The following ARB2A variants were observed in gnomAD, a reference collection of about 807,000 sequenced individuals.
ARB2A encodes the protein cotranscriptional regulator ARB2A.
chr5:94,069,039 A>AAGATAGATAGAT, the ARB2A span, among the ~76,000 whole-genome samples: 16,709 of 140,192 alleles, frequency 0.12, 1,088 homozygotes, highest in East Asian at 0.14. Context: ...CTGTCTTAAA[A>AAGATAGATAGAT]AGATAGATAG....
chr5:93,869,921 G>A, the ARB2A span, among the ~76,000 whole-genome samples: 1 of 152,200 alleles, frequency 6.6e-6, no homozygotes, highest in Non-Finnish European at 1.5e-5. Flanking sequence ...CAGCCCGCCT[G>A]CGCCCAGGTG....
the ARB2A span, among the ~76,000 whole-genome samples, chr5:93,722,714 C>T: frequency 2.0e-5 from 3 of 152,094 alleles, no homozygotes; most frequent in African/African-American, 7.2e-5. Flanking sequence ...GGGTTAACTA[C>T]ACCTCATGGA....
chr5:93,893,097 T>C, the ARB2A span, among the ~76,000 whole-genome samples: 3 of 152,158 alleles, frequency 2.0e-5, no homozygotes, highest in Non-Finnish European at 2.9e-5. Context: ...CCACCTTCTG[T>C]CTGATTAAAA....
the ARB2A span, among the ~76,000 whole-genome samples, chr5:93,729,258 C>A: frequency 6.6e-6 from 1 of 152,124 alleles, no homozygotes; most frequent in Non-Finnish European, 1.5e-5. Context: ...CTAACACTGG[C>A]CGCTTGGTGA....
At chr5:94,036,983 T>C in the ARB2A span, among the ~76,000 whole-genome samples, 3 of 152,166 alleles carry the variant, frequency 2.0e-5, no homozygotes, top group Non-Finnish European at 2.9e-5. Flanking sequence ...GAAGAGCCAA[T>C]TTTTATATTC....
At chr5:94,084,031 G>C in the ARB2A span, among the ~76,000 whole-genome samples, 1 of 151,932 alleles carries the variant, frequency 6.6e-6, no homozygotes, top group Non-Finnish European at 1.5e-5. Context: ...CCAGCACTTT[G>C]GGAAGCCAAG....
the ARB2A span, among the ~76,000 whole-genome samples, chr5:93,745,874 T>G: frequency 1.3e-5 from 2 of 151,922 alleles, no homozygotes; most frequent in African/African-American, 4.8e-5. Flanking sequence ...GATGGACAGA[T>G]GTAGGACCTC....
chr5:93,937,634 T>A, the ARB2A span, among the ~76,000 whole-genome samples: 1 of 151,744 alleles, frequency 6.6e-6, no homozygotes, highest in African/African-American at 2.4e-5. Flanking sequence ...GAGTGTGTCA[T>A]CCCTCAATAT....
chr5:93,976,150 T>C, the ARB2A span, among the ~76,000 whole-genome samples: 28 of 152,170 alleles, frequency 1.8e-4, no homozygotes, highest in African/African-American at 6.8e-4. Context: ...GATTTTTTGT[T>C]ATTTATTGTT....
At chr5:93,829,645 C>G in the ARB2A span, among the ~76,000 whole-genome samples, 1 of 152,076 alleles carries the variant, frequency 6.6e-6, no homozygotes, top group African/African-American at 2.4e-5. Flanking sequence ...GGCTGATTAC[C>G]TACAACCTTG....
At chr5:93,917,597 G>A in the ARB2A span, among the ~76,000 whole-genome samples, 2 of 152,104 alleles carry the variant, frequency 1.3e-5, no homozygotes, top group Non-Finnish European at 2.9e-5. Context: ...AAAACAGTGG[G>A]CCAGGTGCAG....
the ARB2A span, among the ~76,000 whole-genome samples, chr5:93,794,142 CA>C: frequency 7.2e-5 from 11 of 151,954 alleles, no homozygotes; most frequent in Admixed American, 7.2e-4. Flanking sequence ...CTGTCTTTGA[CA>C]CACTGAGTTA....
the ARB2A span, among the ~76,000 whole-genome samples, chr5:93,826,727 T>A: frequency 2.7e-5 from 4 of 147,286 alleles, no homozygotes. Context: ...GTATATCTCC[T>A]AATGCTATCC....
the ARB2A span, among the ~76,000 whole-genome samples, chr5:93,838,985 A>C: frequency 6.6e-6 from 1 of 152,170 alleles, no homozygotes; most frequent in South Asian, 2.1e-4. Flanking sequence ...TCATCTGCAC[A>C]CAGGGATAGT....
chr5:93,682,594 T>C, the ARB2A span, among the ~76,000 whole-genome samples: 22 of 151,972 alleles, frequency 1.4e-4, no homozygotes, highest in Non-Finnish European at 2.8e-4. Context: ...TGACCACCGC[T>C]AGTACTATGT....
chr5:93,719,174 A>G, the ARB2A span, among the ~76,000 whole-genome samples: 1 of 152,124 alleles, frequency 6.6e-6, no homozygotes. Context: ...AAATGTCAAA[A>G]CCTTCATAAA....
At chr5:93,899,645 G>A in the ARB2A span, among the ~76,000 whole-genome samples, 1 of 152,100 alleles carries the variant, frequency 6.6e-6, no homozygotes, top group Admixed American at 6.6e-5. Context: ...TAAGAGATTA[G>A]GACAATGTTC....
the ARB2A span, among the ~76,000 whole-genome samples, chr5:94,000,854 G>A: frequency 6.6e-6 from 1 of 151,914 alleles, no homozygotes; most frequent in Non-Finnish European, 1.5e-5. Context: ...GACTAAATTC[G>A]GTTTTTTGCA....
At chr5:93,720,223 T>C in the ARB2A span, among the ~76,000 whole-genome samples, 1 of 152,236 alleles carries the variant, frequency 6.6e-6, no homozygotes, top group Non-Finnish European at 1.5e-5. Flanking sequence ...AAATTCCCTC[T>C]ATCAAATTCT....
Sources: gnomAD v4.1 joint callset for allele counts (sites outside exome capture counted in the v4.1 genomes callset) on GRCh38, gnomAD v4.1.1 for gene constraint, MANE v1.5 for transcripts, NCBI Gene and HGNC (gene_info 2026-07-23, HGNC 2026-07-21) for gene names.